SRPK2: variants seen among roughly 807,000 people sequenced by gnomAD.
The protein encoded by SRPK2 is SFRS protein kinase 2.
In SRPK2, 21 loss-of-function variants were observed where a neutral mutation model predicts 90.8. The observed-to-expected ratio is 0.23, with a 90% CI of 0.16 to 0.33. The LOEUF (loss-of-function observed/expected upper bound fraction) is 0.33, where lower values mean the gene tolerates loss of function less well. Among genes scored for constraint, SRPK2 ranks in the 10% least tolerant of loss-of-function variants. SRPK2 has a pLI of 1.00. For missense variants in SRPK2, 620 were observed against 869.0 expected (o/e 0.71, Z 3.60); for synonymous variants, 288 against 311.1 (o/e 0.93, Z 0.78).
chr7:105,356,598 G>A (rs924138746), intron 2 of SRPK2, among the ~76,000 whole-genome samples: 1 of 152,070 alleles, frequency 6.6e-6, no homozygotes, highest in African/African-American at 2.4e-5. Flanking sequence ...ATAAACCCAT[G>A]AAATTTGATA....
At chr7:105,316,065 C>A (rs1812278031) in intron 2 of SRPK2, among the ~76,000 whole-genome samples, 1 of 146,618 alleles carries the variant, frequency 6.8e-6, no homozygotes, top group Admixed American at 6.9e-5. Flanking sequence ...GCTCTTGTCA[C>A]CCAGCCTGGA....
At chr7:105,395,077 G>A (rs750816359) in intron 1 of SRPK2, among the ~76,000 whole-genome samples, 2 of 152,118 alleles carry the variant, frequency 1.3e-5, no homozygotes, top group Non-Finnish European at 2.9e-5. Context: ...GGAGGCTGAG[G>A]GAGGAGAATC....
At chr7:105,283,931 A>G (rs530459003) in intron 2 of SRPK2, among the ~76,000 whole-genome samples, 1 of 152,234 alleles carries the variant, frequency 6.6e-6, no homozygotes, top group African/African-American at 2.4e-5. Flanking sequence ...TCAACGCTAT[A>G]GTGAGCCGTG....
chr7:105,342,019 T>C (rs1815865653), intron 2 of SRPK2, among the ~76,000 whole-genome samples: 1 of 151,534 alleles, frequency 6.6e-6, no homozygotes, highest in Non-Finnish European at 1.5e-5. Flanking sequence ...ATCCCAGCAC[T>C]TGGGGAGGCC....
intron 15 of SRPK2, among the ~76,000 whole-genome samples, chr7:105,120,887 G>A (rs1240135798): frequency 6.6e-6 from 1 of 152,178 alleles, no homozygotes; most frequent in African/African-American, 2.4e-5. Context: ...CTGAATGAGT[G>A]AGGGTCTCGA....
chr7:105,321,458 A>C (rs1399467517), intron 2 of SRPK2, among the ~76,000 whole-genome samples: 1 of 152,206 alleles, frequency 6.6e-6, no homozygotes, highest in Non-Finnish European at 1.5e-5. Flanking sequence ...CATACAACAA[A>C]AGAAAAAACT....
chr7:105,337,443 T>C (rs1180585906), intron 2 of SRPK2, among the ~76,000 whole-genome samples: 1 of 151,768 alleles, frequency 6.6e-6, no homozygotes, highest in Non-Finnish European at 1.5e-5. Context: ...GCTTCCCGAG[T>C]AGCCAGCATT....
chr7:105,276,733 G>A (rs541683221), intron 2 of SRPK2, among the ~76,000 whole-genome samples: 7 of 152,246 alleles, frequency 4.6e-5, no homozygotes, highest in Non-Finnish European at 8.8e-5. Context: ...GCAAGAATCT[G>A]TCTGAAAAGA....
At chr7:105,363,404 G>A (rs1454722363) in intron 2 of SRPK2, among the ~76,000 whole-genome samples, 2 of 152,158 alleles carry the variant, frequency 1.3e-5, no homozygotes, top group Non-Finnish European at 2.9e-5. Context: ...AGACATTTAT[G>A]CAACCAACAG....
At chr7:105,141,899 TAC>T (rs1803829312) in intron 11 of SRPK2, 107 bp downstream of exon 11, 128 of 1,244,710 alleles carry the variant, frequency 1.0e-4, no homozygotes, top group Non-Finnish European at 1.2e-4. Context: ...AACTGATCAG[TAC>T]ACACACACAG....
intron 2 of SRPK2, among the ~76,000 whole-genome samples, chr7:105,357,721 GC>G (rs968690993): frequency 2.0e-5 from 3 of 151,644 alleles, no homozygotes; most frequent in African/African-American, 7.3e-5. Context: ...TCCAGCCTGG[GC>G]AACAAGAGCA....
At chr7:105,258,411 C>T (rs988806955) in intron 2 of SRPK2, among the ~76,000 whole-genome samples, 2 of 79,442 alleles carry the variant, frequency 2.5e-5, no homozygotes, top group African/African-American at 5.2e-5. Flanking sequence ...GAGCGAAACT[C>T]GGTCTCAAAA....
At chr7:105,186,104 T>C (rs1793543557) in intron 3 of SRPK2, among the ~76,000 whole-genome samples, 1 of 152,358 alleles carries the variant, frequency 6.6e-6, no homozygotes, top group South Asian at 2.1e-4. Context: ...TTGATTTATA[T>C]AAGGTATTTT....
intron 7 of SRPK2, among the ~76,000 whole-genome samples, chr7:105,149,062 A>G (rs866187299): frequency 7.9e-5 from 12 of 152,292 alleles, no homozygotes; most frequent in Non-Finnish European, 1.3e-4. Flanking sequence ...GAAAGACCTG[A>G]CCGTCCCCCA....
chr7:105,355,233 C>T (rs1005614791), intron 2 of SRPK2, among the ~76,000 whole-genome samples: 6 of 152,130 alleles, frequency 3.9e-5, no homozygotes, highest in African/African-American at 1.2e-4. Flanking sequence ...CAGTGGCTAA[C>T]GCCTATAATC....
intron 13 of SRPK2, among the ~76,000 whole-genome samples, chr7:105,131,791 C>T (rs1802042625): frequency 6.6e-6 from 1 of 152,176 alleles, no homozygotes; most frequent in African/African-American, 2.4e-5. Flanking sequence ...CTAAGCCTTG[C>T]ACACAATCTT....
chr7:105,349,522 C>CAAA (rs572686995), intron 2 of SRPK2, among the ~76,000 whole-genome samples: 4 of 88,946 alleles, frequency 4.5e-5, no homozygotes, highest in African/African-American at 1.2e-4. Flanking sequence ...AACTCCATCT[C>CAAA]AAAAAAAAAA....
chr7:105,346,531 G>A (rs1027601263), intron 2 of SRPK2, among the ~76,000 whole-genome samples: 2 of 152,016 alleles, frequency 1.3e-5, no homozygotes, highest in Non-Finnish European at 1.5e-5. Context: ...CAAGGCGGGC[G>A]GATCACGAGG....
chr7:105,378,761 C>CAA lies in SRPK2; in HGVS notation c.71+9885_71+9886dup, dbSNP rs35549009. Among the ~76,000 whole-genome samples the CAA allele has an allele frequency of 6.8e-4, 63 of 92,236 alleles. 1 individual carries two copies. Among genetic ancestry groups the CAA allele is most frequent in the Non-Finnish European group, 9.2e-4 (43 of 46,830 alleles). The allele number at this position is 92,236 out of a possible 152,430, so 60.5% of individuals were successfully genotyped here. On this transcript the variant is annotated intron_variant, in intron 2 of 15. Transcript: ENST00000393651. Reference sequence around the variant, plus strand: ...CTGGCAACAGAGAAAGACTCCGTCTCAAAAAAAAAAAAAAAATGATGTTTA... The same window carrying CAA: ...CTGGCAACAGAGAAAGACTCCGTCTCAAAAAAAAAAAAAAAAAATGATGTTTA...
Sources: allele counts gnomAD v4.1 joint callset (sites outside exome capture counted in the v4.1 genomes callset), GRCh38; gene constraint gnomAD v4.1.1; transcripts MANE v1.5; gene names NCBI Gene and HGNC (gene_info 2026-07-23, HGNC 2026-07-21).